BRI3BP: variants seen among roughly 807,000 people sequenced by gnomAD.
BRI3BP encodes the protein BRI3-binding protein.
In BRI3BP, 7 loss-of-function variants were observed where a neutral mutation model predicts 15.8. That is an observed-to-expected ratio of 0.44 (90% confidence interval 0.25 to 0.83). The LOEUF (loss-of-function observed/expected upper bound fraction) is 0.83, where lower values mean the gene tolerates loss of function less well. Among genes scored for constraint, BRI3BP ranks in the 40% least tolerant of loss-of-function variants. The probability of loss-of-function intolerance (pLI) is 0.20; values close to 1 mark genes in which losing one functional copy is unlikely to be tolerated. For synonymous variants in BRI3BP, 192 were observed against 163.5 expected, an observed-to-expected ratio of 1.17 and a Z score of -1.33; for missense variants, 320 against 339.3, an observed-to-expected ratio of 0.94 and a Z score of 0.45.
chr12:125,003,068 C>A (rs1955109654), intron 1 of BRI3BP, among the ~76,000 whole-genome samples: 1 of 152,234 alleles, frequency 6.6e-6, no homozygotes, highest in African/African-American at 2.4e-5. Flanking sequence ...TTTTGCATTT[C>A]TGTGTGTTCT....
chr12:125,038,467 G>C, the BRI3BP span, among the ~76,000 whole-genome samples: 45 of 151,858 alleles, frequency 3.0e-4, no homozygotes, highest in African/African-American at 1.0e-3. Context: ...ACTTAATTTT[G>C]AATTAAAAAT....
At chr12:125,021,973 G>A (rs910407653) in intron 2 of BRI3BP, among the ~76,000 whole-genome samples, 9 of 151,676 alleles carry the variant, frequency 5.9e-5, no homozygotes, top group South Asian at 2.1e-4. Context: ...CTAGCTACTC[G>A]GGAGTCTGAG....
chr12:125,048,958 T>G, the BRI3BP span, among the ~76,000 whole-genome samples: 1 of 151,888 alleles, frequency 6.6e-6, no homozygotes, highest in Non-Finnish European at 1.5e-5. Flanking sequence ...TTATTTTTAT[T>G]TACTTATTTA....
chr12:125,049,942 A>C, the BRI3BP span, among the ~76,000 whole-genome samples: 1 of 152,186 alleles, frequency 6.6e-6, no homozygotes, highest in Non-Finnish European at 1.5e-5. Context: ...GGCGGAGAGG[A>C]CGCGTGTGCT....
the BRI3BP span, among the ~76,000 whole-genome samples, chr12:125,051,097 T>C: frequency 1.3e-5 from 2 of 152,188 alleles, no homozygotes; most frequent in Admixed American, 1.3e-4. Flanking sequence ...CAGCAGAGCA[T>C]AGCAAGCTTC....
At chr12:125,024,317 A>ACC (rs35680662) in intron 2 of BRI3BP, among the ~76,000 whole-genome samples, 16 of 140,296 alleles carry the variant, frequency 1.1e-4, no homozygotes, top group Admixed American at 3.7e-4. Flanking sequence ...TGATCCAATC[A>ACC]CCCCCCACGA....
intron 1 of BRI3BP, among the ~76,000 whole-genome samples, chr12:125,002,448 TTTTTTTTGTTTTG>T (rs1955101701): frequency 1.3e-5 from 2 of 149,408 alleles, no homozygotes; most frequent in African/African-American, 4.9e-5. Flanking sequence ...GAACTGGTTT[TTTTTTTTGTTTTG>T]TTTTTTTTTT....
At position 125,005,064 on chromosome 12, in the gene BRI3BP, T is replaced by G. The variant is rs1002615855; in HGVS notation, c.214-7470T>G. On this transcript the variant is annotated intron_variant, in intron 1 of 2. Coordinates refer to ENST00000341446, the MANE Select transcript of BRI3BP (RefSeq NM_080626.6). The stretch of plus-strand genomic sequence containing the variant: ...GGTTTCACCATGTTGGCCAGGCTGG[T>G]CTTGAACTCCTGAACTCAAGTGATC... Among the ~76,000 whole-genome samples the G allele has an allele frequency of 2.0e-5, 3 of 152,096 alleles. No homozygotes were observed. In the East Asian group the frequency reaches 5.8e-4, roughly 29 times the overall value.
intron 1 of BRI3BP, among the ~76,000 whole-genome samples, chr12:125,002,888 C>T (rs558576866): frequency 6.6e-6 from 1 of 152,282 alleles, no homozygotes; most frequent in Non-Finnish European, 1.5e-5. Context: ...GAGGCAGTAC[C>T]ATATCGGGGC....
chr12:125,050,176 C>A, the BRI3BP span, among the ~76,000 whole-genome samples: 3 of 152,016 alleles, frequency 2.0e-5, no homozygotes, highest in Non-Finnish European at 4.4e-5. Flanking sequence ...CATGGCGAAA[C>A]CCCGTCTCTA....
At chr12:125,002,855 A>G (rs1955107626) in intron 1 of BRI3BP, among the ~76,000 whole-genome samples, 1 of 152,170 alleles carries the variant, frequency 6.6e-6, no homozygotes, top group Non-Finnish European at 1.5e-5. Flanking sequence ...AGAATTCTGC[A>G]GAAGGCATCA....
rs186756452 is a variant in BRI3BP at position 125,004,483 on chromosome 12, A to T, written c.214-8051A>T. Among the ~76,000 whole-genome samples the T allele has an allele frequency of 4.6e-3, 701 of 151,904 alleles. 4 individuals are homozygous for T. Among genetic ancestry groups the T allele is most frequent in the African/African-American group, 0.015 (622 of 41,432 alleles). On this transcript the variant is annotated intron_variant, in intron 1 of 2. Coordinates refer to ENST00000341446, the MANE Select transcript of BRI3BP (RefSeq NM_080626.6). ...CCATGCCTGGCCCTAAGCCTTTTTT[A>T]AAAAAAAATTAACTTTATTCTTTTT...
At chr12:125,043,630 G>A in the BRI3BP span, among the ~76,000 whole-genome samples, 7 of 151,898 alleles carry the variant, frequency 4.6e-5, no homozygotes, top group African/African-American at 1.5e-4. Context: ...GCCGAGGTGG[G>A]CCAATCACCT....
At chr12:124,998,178 G>A (rs1440161173) in intron 1 of BRI3BP, among the ~76,000 whole-genome samples, 2 of 151,560 alleles carry the variant, frequency 1.3e-5, no homozygotes, top group Non-Finnish European at 2.9e-5. Context: ...TGTAATCCCA[G>A]CTACTTGGGA....
intron 2 of BRI3BP, among the ~76,000 whole-genome samples, chr12:125,022,106 A>G (rs1440676951): frequency 1.4e-5 from 2 of 145,276 alleles, no homozygotes; most frequent in Non-Finnish European, 3.0e-5. Context: ...AAAAAAGACC[A>G]CAGATTCTTG....
In BRI3BP at chr12:125,026,845, A is replaced by T. The variant is rs1378192109; in HGVS notation, c.*1415A>T. The T allele has an allele frequency of 1.3e-5, 2 of 152,190 alleles. No individual in the cohort carries two copies. The highest frequency in any genetic ancestry group is 2.9e-5 in the Non-Finnish European group (2 of 68,214). The allele number at this position is 152,190 out of a possible 1,614,324, so 9.4% of individuals were successfully genotyped here. A position where few individuals can be genotyped will look rare whatever the true frequency, so the allele number is the denominator to read the frequency against. ...GTGGGTGCCTGTAGTCCAGCTACTC[A>T]GGAGGCTGAGGCAGGAGAATTGCTT... On this transcript the variant is annotated 3_prime_UTR_variant, in exon 3 of 3. Coordinates refer to ENST00000341446, the MANE Select transcript of BRI3BP (RefSeq NM_080626.6).
chr12:125,050,870 CAAGT>C, the BRI3BP span, among the ~76,000 whole-genome samples: 1 of 152,192 alleles, frequency 6.6e-6, no homozygotes. Flanking sequence ...TGTGTGCGCG[CAAGT>C]AAGATTTCTT....
chr12:125,002,460 T>G (rs1342392069), intron 1 of BRI3BP, among the ~76,000 whole-genome samples: 60 of 147,966 alleles, frequency 4.1e-4, no homozygotes, highest in African/African-American at 1.4e-3. Context: ...TTTTTTGTTT[T>G]GTTTTTTTTT....
At chr12:125,001,621 C>T (rs1207449457) in intron 1 of BRI3BP, among the ~76,000 whole-genome samples, 1 of 152,196 alleles carries the variant, frequency 6.6e-6, no homozygotes, top group Non-Finnish European at 1.5e-5. Context: ...TGCGATCCTC[C>T]CGCCTTGGCC....
Sources: gnomAD v4.1 joint callset for allele counts (sites outside exome capture counted in the v4.1 genomes callset) on GRCh38, gnomAD v4.1.1 for gene constraint, MANE v1.5 for transcripts, NCBI Gene and HGNC (gene_info 2026-07-23, HGNC 2026-07-21) for gene names.